The following RIMS2 variants were observed in gnomAD, a reference collection of about 807,000 sequenced individuals.
The protein encoded by RIMS2 is regulating synaptic membrane exocytosis protein 2.
A neutral mutation model predicts 174.4 loss-of-function variants in RIMS2; 59 were observed. That is an observed-to-expected ratio of 0.34 (90% CI 0.27 to 0.42). The LOEUF is 0.42. Ranked by LOEUF, RIMS2 falls within the 10% of genes least tolerant of loss-of-function variation. The pLI, the probability that RIMS2 is intolerant of heterozygous loss-of-function variation, is 1.00. For missense variants in RIMS2, 1,620 were observed against 1,666.3 expected, an observed-to-expected ratio of 0.97 and a Z score of 0.48; for synonymous variants, 606 against 572.5, an observed-to-expected ratio of 1.06 and a Z score of -0.84.
intron 3 of RIMS2, among the ~76,000 whole-genome samples, chr8:103,884,591 G>A (rs2099188816): frequency 6.6e-6 from 1 of 151,798 alleles, no homozygotes. Flanking sequence ...AGACTTAGTA[G>A]AATAATATCA....
At chr8:103,910,243 T>C in intron 5 of RIMS2, 78 bp from the exon 8 acceptor site, 2 of 1,536,904 alleles carry the variant, frequency 1.3e-6, no homozygotes, top group Non-Finnish European at 1.8e-6. Context: ...TCGTTATCAT[T>C]TCACTTTTCC....
intron 1 of RIMS2, among the ~76,000 whole-genome samples, chr8:103,660,606 CAAAAA>C (rs2096587661): frequency 6.6e-6 from 1 of 151,920 alleles, no homozygotes; most frequent in Non-Finnish European, 1.5e-5. Flanking sequence ...AAAACAAAAA[CAAAAA>C]CAAAAAAACA....
intron 1 of RIMS2, among the ~76,000 whole-genome samples, chr8:103,608,048 C>T (rs984547990): frequency 1.7e-4 from 26 of 148,850 alleles, no homozygotes; most frequent in African/African-American, 6.3e-4. Context: ...TGGTGAGGAA[C>T]TGCATTCCTT....
chr8:103,948,315 G>C (rs1384556909), intron 14 of RIMS2, among the ~76,000 whole-genome samples: 1 of 152,158 alleles, frequency 6.6e-6, no homozygotes, highest in Non-Finnish European at 1.5e-5. Flanking sequence ...TTTACCGTAT[G>C]ACCACTAATT....
In RIMS2 at chr8:104,180,360, GGT is replaced by G. The variant is rs564949232; in HGVS notation, c.3335-64555_3335-64554del. Among the ~76,000 whole-genome samples the G allele has an allele frequency of 1.9e-3, 274 of 147,656 alleles. 1 individual carries two copies. Among genetic ancestry groups the G allele is most frequent in the African/African-American group, 6.5e-3 (255 of 39,350 alleles). On this transcript the variant is annotated intron_variant, in intron 19 of 23. Transcript: ENST00000504942. ...TGCTAGTGTAGTATTTTCTTAGTGA[GGT>G]TTTTTTTTTTTTTAATCTTTGCCAA...
intron 2 of RIMS2, among the ~76,000 whole-genome samples, chr8:103,729,350 A>G (rs544834127): frequency 3.0e-4 from 46 of 152,182 alleles, no homozygotes; most frequent in African/African-American, 1.1e-3. Context: ...AGGTTTTCCA[A>G]CTTACTGGCA....
chr8:104,212,760 T>C (rs2099111090), intron 19 of RIMS2, among the ~76,000 whole-genome samples: 1 of 152,190 alleles, frequency 6.6e-6, no homozygotes, highest in African/African-American at 2.4e-5. Context: ...AGTAATTTAG[T>C]GCTATTATAA....
intron 1 of RIMS2, among the ~76,000 whole-genome samples, chr8:103,555,196 A>C (rs550536508): frequency 1.3e-5 from 2 of 152,290 alleles, no homozygotes; most frequent in African/African-American, 4.8e-5. Flanking sequence ...AAGTTAAAAA[A>C]ATGGGCAAAG....
intron 19 of RIMS2, among the ~76,000 whole-genome samples, chr8:104,232,148 C>G (rs1488729027): frequency 6.6e-6 from 1 of 152,292 alleles, no homozygotes; most frequent in Non-Finnish European, 1.5e-5. Context: ...TACCTTACAT[C>G]CAAGAAGTAC....
chr8:103,711,756 G>A lies in RIMS2; in HGVS notation c.387+14460G>A, dbSNP rs956788132. On this transcript the variant is annotated intron_variant, in intron 2 of 23. Coordinates refer to ENST00000504942, the Ensembl canonical transcript of RIMS2. ...ACCAAAAATACAAAAAATTAGCTAG[G>A]CGTGGTGGTGAGTGCCTGTGGTCCC... Among the ~76,000 whole-genome samples, 18 of 152,136 alleles carry A rather than the reference G, an allele frequency of 1.2e-4. 1 individual carries two copies. Among genetic ancestry groups the A allele is most frequent in the Admixed American group, 7.9e-4 (12 of 15,270 alleles).
intron 19 of RIMS2, among the ~76,000 whole-genome samples, chr8:104,125,684 A>G (rs2098422763): frequency 6.6e-6 from 1 of 152,174 alleles, no homozygotes. Flanking sequence ...TTATACCATG[A>G]TATTGAATCA....
intron 3 of RIMS2, among the ~76,000 whole-genome samples, chr8:103,882,773 T>C (rs1033089359): frequency 6.6e-6 from 1 of 151,628 alleles, no homozygotes; most frequent in Non-Finnish European, 1.5e-5. Context: ...ATAGCCTTTC[T>C]CTTGGAACTG....
Position 103,992,108 on chromosome 8 carries a change from TTTTG to T in RIMS2, c.3044+2699_3044+2702del, listed in dbSNP as rs1332866051. 2.6e-5 allele frequency among the ~76,000 whole-genome samples: 4 copies of T among 151,956 alleles called. No homozygotes were observed. In the South Asian group the frequency reaches 8.3e-4, roughly 32 times the overall value. Reference sequence around the variant, plus strand: ...GCCAGTTCACTTAGTGTTGTTGTTGTTTTGTTTGTTTGTTTTTTGAGACAGTGTC... The same window carrying T: ...GCCAGTTCACTTAGTGTTGTTGTTGTTTTGTTTGTTTTTTGAGACAGTGTC... On this transcript the variant is annotated intron_variant, in intron 17 of 23. Coordinates refer to ENST00000504942, the Ensembl canonical transcript of RIMS2.
intron 19 of RIMS2, among the ~76,000 whole-genome samples, chr8:104,070,156 T>A (rs909724129): frequency 1.3e-5 from 2 of 152,222 alleles, no homozygotes; most frequent in African/African-American, 4.8e-5. Flanking sequence ...TGTACATATG[T>A]ACCAGTTTCT....
intron 19 of RIMS2, among the ~76,000 whole-genome samples, chr8:104,132,728 T>C (rs1403019981): frequency 6.6e-6 from 1 of 152,212 alleles, no homozygotes. Context: ...TTTACAGGTC[T>C]GAAAGAATTG....
intron 3 of RIMS2, among the ~76,000 whole-genome samples, chr8:103,831,302 CAAAGT>C (rs1482694909): frequency 6.6e-6 from 1 of 152,010 alleles, no homozygotes; most frequent in Non-Finnish European, 1.5e-5. Context: ...AGACACATAC[CAAAGT>C]AAAGAGAAAA....
At chr8:103,563,261 C>T (rs1412856674) in intron 1 of RIMS2, among the ~76,000 whole-genome samples, 1 of 152,184 alleles carries the variant, frequency 6.6e-6, no homozygotes, top group Non-Finnish European at 1.5e-5. Flanking sequence ...CACTTTTATG[C>T]TGTTTCCCTT....
At chr8:103,743,637 T>C (rs2097781392) in intron 2 of RIMS2, among the ~76,000 whole-genome samples, 1 of 152,138 alleles carries the variant, frequency 6.6e-6, no homozygotes, top group African/African-American at 2.4e-5. Flanking sequence ...TATTAATTTA[T>C]GCTCTAAGGA....
At chr8:104,234,908 A>G (rs1036520353) in intron 19 of RIMS2, among the ~76,000 whole-genome samples, 1 of 152,158 alleles carries the variant, frequency 6.6e-6, no homozygotes, top group Non-Finnish European at 1.5e-5. Context: ...ATTCAGTCCT[A>G]TTGACAGCTA....
Sources: gnomAD v4.1 joint callset for allele counts (sites outside exome capture counted in the v4.1 genomes callset) on GRCh38, gnomAD v4.1.1 for gene constraint, MANE v1.5 for transcripts, NCBI Gene and HGNC (gene_info 2026-07-23, HGNC 2026-07-21) for gene names.